Variants in PKD2L1 observed in about 807,000 individuals in gnomAD.
The protein encoded by PKD2L1 is polycystin 2 like 1, transient receptor potential cation channel, also known as polycystin-2-like protein 1.
PKD2L1 carries 77 observed loss-of-function variants against 93.0 expected under a neutral mutation model. The observed-to-expected ratio is 0.83, with a 90% confidence interval of 0.69 to 1.00. The LOEUF (loss-of-function observed/expected upper bound fraction) is 1.00, where lower values mean the gene tolerates loss of function less well. Ranked by LOEUF, PKD2L1 falls within the 50% of genes least tolerant of loss-of-function variation. The pLI, the probability that PKD2L1 is intolerant of heterozygous loss-of-function variation, is 0.00. For synonymous variants in PKD2L1, 390 were observed against 388.0 expected, an observed-to-expected ratio of 1.01 and a Z score of -0.06; for missense variants, 977 against 990.9, an observed-to-expected ratio of 0.99 and a Z score of 0.19.
Position 100,288,251 on chromosome 10 carries a change from C to T in PKD2L1, c.*145G>A, listed in dbSNP as rs1164017227. The T allele has an allele frequency of 1.5e-6, 1 of 652,008 alleles. No individual in the cohort carries two copies. The highest frequency in any genetic ancestry group is 2.8e-6 in the Non-Finnish European group (1 of 361,326). 40.4% of individuals were successfully genotyped at this position (652,008 alleles called of 1,614,324 possible). Reference sequence around the variant, plus strand: ...CATATTAATTCAAAGATCTCTGAATCCTGAGTTCATTTCCTTGCCTGATTC... The same window carrying T: ...CATATTAATTCAAAGATCTCTGAATTCTGAGTTCATTTCCTTGCCTGATTC... On this transcript the variant is annotated 3_prime_UTR_variant, in exon 16 of 16. Transcript: ENST00000318222.
intron 2 of PKD2L1, among the ~76,000 whole-genome samples, chr10:100,316,892 G>C (rs1487137555): frequency 6.6e-6 from 1 of 152,120 alleles, no homozygotes; most frequent in Non-Finnish European, 1.5e-5. Flanking sequence ...TTCGAGTCCA[G>C]CCTGGGTAAC....
intron 2 of PKD2L1, among the ~76,000 whole-genome samples, chr10:100,300,956 TA>T (rs2134386449): frequency 6.6e-6 from 1 of 152,146 alleles, no homozygotes; most frequent in East Asian, 1.9e-4. Context: ...TAATTCAACG[TA>T]GGTTCTTTTC....
rs1397558546 is a variant in PKD2L1 at position 100,299,575 on chromosome 10, A to C, written c.477+16T>G. 1.2e-6 allele frequency: 2 copies of C among 1,612,802 alleles called. No individual in the cohort carries two copies. Among genetic ancestry groups the C allele is most frequent in the Non-Finnish European group, 1.7e-6 (2 of 1,179,032 alleles). On this transcript the variant is annotated intron_variant, in intron 3 of 15. Transcript: ENST00000318222. ...TGAGAAAGAGAGGGGAGGGGTAGAA[A>C]AGATCTTATACTCACATCCCAGAAG...
chr10:100,299,091 G>A (rs1028509963), intron 3 of PKD2L1, among the ~76,000 whole-genome samples: 1 of 152,048 alleles, frequency 6.6e-6, no homozygotes, highest in African/African-American at 2.4e-5. Context: ...CGAGGAGCTG[G>A]GATTTCAGGC....
intron 2 of PKD2L1, among the ~76,000 whole-genome samples, chr10:100,315,653 C>G (rs553528065): frequency 1.6e-4 from 24 of 152,256 alleles, no homozygotes; most frequent in African/African-American, 4.6e-4. Context: ...TATTACCAGT[C>G]TGATTTTCTT....
chr10:100,324,221 A>C lies in PKD2L1; in HGVS notation c.349+4990T>G, dbSNP rs145917506. 2.6e-5 allele frequency among the ~76,000 whole-genome samples: 4 copies of C among 152,358 alleles called. No homozygotes were observed. In the East Asian group the frequency reaches 7.7e-4, roughly 29 times the overall value. On this transcript the variant is annotated intron_variant, in intron 2 of 15. Coordinates refer to ENST00000318222, the MANE Select transcript of PKD2L1 (RefSeq NM_016112.3). ...AGATCCCCTGTCCTCACATAAGTAC[A>C]GCCTCCCCTGCTATCAACATCCAAC...
In PKD2L1 at chr10:100,303,191, G is replaced by GTTTTTTTT. The variant is rs146131470; in HGVS notation, c.350-3474_350-3473insAAAAAAAA. ...TTTAAGTCCATAATTACATCAAACT[G>GTTTTTTTT]TTTTTTTGTTTTTTTTTTTGAGACG... On this transcript the variant is annotated intron_variant, in intron 2 of 15. Transcript: ENST00000318222. Among the ~76,000 whole-genome samples the GTTTTTTTT allele has an allele frequency of 2.0e-4, 26 of 128,994 alleles. 1 individual carries two copies. Among genetic ancestry groups the GTTTTTTTT allele is most frequent in the Non-Finnish European group, 2.6e-4 (16 of 62,720 alleles). The allele number at this position is 128,994 out of a possible 152,430, so 84.6% of individuals were successfully genotyped here. A position where few individuals can be genotyped will look rare whatever the true frequency, so the allele number is the denominator to read the frequency against.
At chr10:100,289,305 C>T (rs1404613600) in intron 14 of PKD2L1, among the ~76,000 whole-genome samples, 3 of 152,074 alleles carry the variant, frequency 2.0e-5, no homozygotes, top group African/African-American at 2.4e-5. Flanking sequence ...TTTGGGAGGA[C>T]GAGGTGGGTG....
intron 7 of PKD2L1, among the ~76,000 whole-genome samples, chr10:100,295,708 G>A (rs1848516757): frequency 8.6e-6 from 1 of 116,170 alleles, no homozygotes; most frequent in African/African-American, 3.4e-5. Context: ...ACTCCAGCCA[G>A]ACAACAGAGT....
chr10:100,291,622 C>T (rs1422546301), intron 11 of PKD2L1, among the ~76,000 whole-genome samples, 195 bp from the exon 12 acceptor site: 2 of 152,168 alleles, frequency 1.3e-5, no homozygotes, highest in Admixed American at 1.3e-4. Context: ...GACTCCTGCT[C>T]ACCAGGTTCA....
In PKD2L1 at chr10:100,329,826, C is replaced by T. The variant is rs541241004; in HGVS notation, c.235+43G>A. The T allele has an allele frequency of 2.3e-5, 32 of 1,382,092 alleles. No homozygotes were observed. In the African/African-American group the frequency reaches 4.3e-4, roughly 19 times the overall value. The allele number at this position is 1,382,092 out of a possible 1,614,324, so 85.6% of individuals were successfully genotyped here. On this transcript the variant is annotated intron_variant, in intron 1 of 15. Transcript: ENST00000318222. Reference sequence around the variant, plus strand: ...TGCCCAAAAGCTTTTGGTGACTCCTCCTGATTCTAATATCCCAGGAGAACT... The same window carrying T: ...TGCCCAAAAGCTTTTGGTGACTCCTTCTGATTCTAATATCCCAGGAGAACT...
rs1222925165 is a variant in PKD2L1 at position 100,297,031 on chromosome 10, C to T, written c.1134G>A (p.Arg378=). The T allele has an allele frequency of 1.8e-5, 29 of 1,613,998 alleles. No individual in the cohort carries two copies. The highest frequency in any genetic ancestry group is 2.4e-5 in the Non-Finnish European group (28 of 1,179,990). Residue 378 remains arginine (R), a synonymous_variant, in exon 6 of 16, where the codon CGG becomes CGA. Transcript: ENST00000318222. The part of the protein sequence containing the change: ...VEEILELHIH[R]LRYLSSIWNI... Reference sequence around the variant, plus strand: ...TCCAGATGCTGCTGAGGTAGCGAAGCCGGTGAATGTGGAGCTCCAGGATCT... The same window carrying T: ...TCCAGATGCTGCTGAGGTAGCGAAGTCGGTGAATGTGGAGCTCCAGGATCT...
chr10:100,303,091 T>C (rs905977469), intron 2 of PKD2L1, among the ~76,000 whole-genome samples: 4 of 152,112 alleles, frequency 2.6e-5, no homozygotes, highest in African/African-American at 9.7e-5. Flanking sequence ...CATGGTAACA[T>C]GTTCATATAT....
At chr10:100,315,018 AG>A (rs1457754399) in intron 2 of PKD2L1, among the ~76,000 whole-genome samples, 1 of 10,012 alleles carries the variant, frequency 1.0e-4, no homozygotes, top group African/African-American at 7.0e-4. Flanking sequence ...AAGGAAGGGA[AG>A]GGAAGGGAAG....
chr10:100,328,123 A>G (rs371326676), intron 2 of PKD2L1, among the ~76,000 whole-genome samples: 5 of 152,242 alleles, frequency 3.3e-5, no homozygotes, highest in African/African-American at 1.2e-4. Flanking sequence ...ACACAACTAT[A>G]TTAAACTAGG....
At chr10:100,322,648 T>A (rs1258004048) in intron 2 of PKD2L1, among the ~76,000 whole-genome samples, 1 of 152,262 alleles carries the variant, frequency 6.6e-6, no homozygotes, top group Non-Finnish European at 1.5e-5. Flanking sequence ...AATGTTTTTA[T>A]ATCATCTTTT....
intron 2 of PKD2L1, among the ~76,000 whole-genome samples, chr10:100,328,591 C>CTTT (rs10685467): frequency 0.011 from 1,659 of 147,172 alleles, 24 homozygotes; most frequent in African/African-American, 0.026. Flanking sequence ...GTTTTCCACT[C>CTTT]TTTTTTTTTT....
chr10:100,291,232 G>C, intron 12 of PKD2L1, 69 bp downstream of exon 12: 1 of 1,522,482 alleles, frequency 6.6e-7, no homozygotes, highest in Non-Finnish European at 8.9e-7. Flanking sequence ...TTGTGTTCTA[G>C]GTATGTTGGG....
At chr10:100,329,773 C>A in intron 1 of PKD2L1, 96 bp downstream of exon 1, 1 of 838,566 alleles carries the variant, frequency 1.2e-6, no homozygotes. Flanking sequence ...GTCACCTCTT[C>A]TTCAGATCAC....
Sources: gnomAD v4.1 joint callset for allele counts (sites outside exome capture counted in the v4.1 genomes callset) on GRCh38, gnomAD v4.1.1 for gene constraint, MANE v1.5 for transcripts, NCBI Gene and HGNC (gene_info 2026-07-23, HGNC 2026-07-21) for gene names.